ESF1: variants seen among roughly 807,000 people sequenced by gnomAD.
ESF1 encodes the protein ESF1 nucleolar pre-rRNA processing protein.
Under a neutral mutation model 92.0 loss-of-function variants are expected in ESF1, and 58 were observed. The ratio of observed to expected loss-of-function variants is 0.63; its 90% confidence interval spans 0.51 to 0.78. The LOEUF (loss-of-function observed/expected upper bound fraction) is 0.78. Among genes scored for constraint, ESF1 ranks in the 30% least tolerant of loss-of-function variants. The pLI, the probability that ESF1 is intolerant of heterozygous loss-of-function variation, is 0.00. For synonymous variants in ESF1, 321 were observed against 313.7 expected, an observed-to-expected ratio of 1.02 and a Z score of -0.24; for missense variants, 922 against 989.1, an observed-to-expected ratio of 0.93 and a Z score of 0.91.
intron 11 of ESF1, among the ~76,000 whole-genome samples, chr20:13,720,899 TCA>T (rs780029171): frequency 3.9e-5 from 6 of 152,196 alleles, no homozygotes; most frequent in Non-Finnish European, 5.9e-5. Flanking sequence ...GGTGGGTGGA[TCA>T]CCTGAGGTCA....
At chr20:13,748,188 G>A (rs752936665) in intron 9 of ESF1, among the ~76,000 whole-genome samples, 3 of 152,050 alleles carry the variant, frequency 2.0e-5, no homozygotes, top group Non-Finnish European at 2.9e-5. Flanking sequence ...TCAGTTCTCT[G>A]ATGACAGAAT....
At chr20:13,784,625 G>T (rs1158519171) in intron 1 of ESF1, among the ~76,000 whole-genome samples, 1 of 152,074 alleles carries the variant, frequency 6.6e-6, no homozygotes, top group Non-Finnish European at 1.5e-5. Context: ...CACAGGGCTG[G>T]CCCCTGAACT....
At chr20:13,769,867 A>G (rs758444688) in intron 7 of ESF1, 40 bp downstream of exon 7, 2 of 1,228,814 alleles carry the variant, frequency 1.6e-6, no homozygotes, top group Admixed American at 3.5e-5. Flanking sequence ...TTCATAAAGC[A>G]ATAGAGTCCA....
intron 9 of ESF1, among the ~76,000 whole-genome samples, chr20:13,749,232 A>AT (rs71188184): frequency 0.53 from 47,600 of 88,986 alleles, 14,228 homozygotes; most frequent in East Asian, 0.77. Flanking sequence ...TGCCCGGCTA[A>AT]TTTTTTTTTT....
chr20:13,779,837 T>G (rs1218256965), intron 2 of ESF1, among the ~76,000 whole-genome samples: 2 of 152,164 alleles, frequency 1.3e-5, no homozygotes, highest in Non-Finnish European at 2.9e-5. Context: ...GCCCAGCCAG[T>G]TACCGTTTTA....
Position 13,784,898 on chromosome 20 carries a change from G to A in ESF1, c.-62C>T, listed in dbSNP as rs1182243771. 2.1e-5 allele frequency: 13 copies of A among 633,332 alleles called. No individual in the cohort carries two copies. In the East Asian group the frequency reaches 2.5e-4, roughly 12 times the overall value. 39.2% of individuals were successfully genotyped at this position (633,332 alleles called of 1,614,324 possible). A position where few individuals can be genotyped will look rare whatever the true frequency, so the allele number is the denominator to read the frequency against. The stretch of plus-strand genomic sequence containing the variant: ...CACTCACCGTCCGCAGTCCTACCAA[G>A]CCTCACGTGGGGCTCACACCCACAA... On this transcript the variant is annotated 5_prime_UTR_variant, in exon 1 of 14. Coordinates refer to ENST00000617257, the MANE Select transcript of ESF1 (RefSeq NM_001276380.2).
intron 9 of ESF1, among the ~76,000 whole-genome samples, chr20:13,752,312 T>C (rs935470091): frequency 6.6e-5 from 10 of 152,210 alleles, no homozygotes; most frequent in Non-Finnish European, 1.3e-4. Flanking sequence ...TTACCAGCTG[T>C]GTGACTTCGT....
chr20:13,752,463 A>G (rs1478582410), intron 9 of ESF1, among the ~76,000 whole-genome samples: 1 of 152,208 alleles, frequency 6.6e-6, no homozygotes, highest in African/African-American at 2.4e-5. Flanking sequence ...AATTTTAAAC[A>G]TCTGGTTATT....
intron 9 of ESF1, among the ~76,000 whole-genome samples, chr20:13,749,245 T>TC (rs769011815): frequency 1.5e-5 from 2 of 130,774 alleles, no homozygotes; most frequent in East Asian, 4.2e-4. Flanking sequence ...TTTTTTTTTT[T>TC]TTTTTTTTTT....
intron 11 of ESF1, among the ~76,000 whole-genome samples, chr20:13,724,046 C>A (rs1454766250): frequency 6.6e-6 from 1 of 152,180 alleles, no homozygotes; most frequent in African/African-American, 2.4e-5. Flanking sequence ...GTAATCCCAG[C>A]ACTTCTGGGA....
intron 2 of ESF1, among the ~76,000 whole-genome samples, chr20:13,780,487 G>C (rs376636557): frequency 2.8e-4 from 42 of 152,066 alleles, no homozygotes; most frequent in African/African-American, 9.2e-4. Flanking sequence ...CTGCTGCCTG[G>C]TTCCACTACA....
At chr20:13,733,913 T>A in intron 9 of ESF1, 71 bp from the exon 10 acceptor site, 1 of 1,478,490 alleles carries the variant, frequency 6.8e-7, no homozygotes. Context: ...ATATAATTTA[T>A]AAAGACAAAT....
chr20:13,769,770 A>T, intron 7 of ESF1, 137 bp downstream of exon 7: 1 of 662,278 alleles, frequency 1.5e-6, no homozygotes, highest in Non-Finnish European at 2.6e-6. Flanking sequence ...TGGGTGAGAG[A>T]GCGAGACTCT....
In ESF1 at chr20:13,715,506, T is replaced by C. The variant is rs1222385101; in HGVS notation, c.2263-339A>G. ...TGGTTTGTGAGGCAGGGCTTTCCCA[T>C]GCTTACAGCACAAAATCAATTTCTT... On this transcript the variant is annotated intron_variant, in intron 13 of 13. Coordinates refer to ENST00000617257, the MANE Select transcript of ESF1 (RefSeq NM_001276380.2). 2.6e-5 allele frequency among the ~76,000 whole-genome samples: 4 copies of C among 152,310 alleles called. No individual in the cohort carries two copies. The East Asian group carries it at 5.8e-4, about 22-fold the overall frequency.
intron 9 of ESF1, among the ~76,000 whole-genome samples, chr20:13,739,858 C>T (rs1386853981): frequency 6.6e-6 from 1 of 151,960 alleles, no homozygotes; most frequent in Non-Finnish European, 1.5e-5. Flanking sequence ...GCCAAGAAGC[C>T]AGCACACAGA....
chr20:13,725,850 T>C (rs1456945702), intron 11 of ESF1, among the ~76,000 whole-genome samples: 1 of 152,258 alleles, frequency 6.6e-6, no homozygotes, highest in Non-Finnish European at 1.5e-5. Context: ...CACCTCCATT[T>C]GTATATCTAA....
At chr20:13,759,933 T>C in intron 8 of ESF1, 80 bp from the exon 9 acceptor site, 1 of 1,471,908 alleles carries the variant, frequency 6.8e-7, no homozygotes, top group South Asian at 1.4e-5. Context: ...CACTCTCTTT[T>C]AAAAGATGCT....
intron 11 of ESF1, among the ~76,000 whole-genome samples, chr20:13,727,044 T>C (rs1435174730): frequency 6.6e-6 from 1 of 152,232 alleles, no homozygotes; most frequent in Non-Finnish European, 1.5e-5. Flanking sequence ...AATGTGTTGA[T>C]TCCAAAAAAC....
chr20:13,717,826 C>G (rs1410760184), intron 12 of ESF1, among the ~76,000 whole-genome samples: 2 of 152,162 alleles, frequency 1.3e-5, no homozygotes, highest in Non-Finnish European at 2.9e-5. Flanking sequence ...CCCAACTACC[C>G]TCAAATAAAA....
Sources: gnomAD v4.1 joint callset for allele counts (sites outside exome capture counted in the v4.1 genomes callset) on GRCh38, gnomAD v4.1.1 for gene constraint, MANE v1.5 for transcripts, NCBI Gene and HGNC (gene_info 2026-07-23, HGNC 2026-07-21) for gene names.